Variants in DENND5B observed in about 807,000 individuals in gnomAD.
DENND5B encodes DENN domain containing 5B, also known as DENN domain-containing protein 5B.
In DENND5B, 34 loss-of-function variants were observed where a neutral mutation model predicts 140.6. The observed-to-expected ratio is 0.24, with a 90% CI of 0.18 to 0.32. The LOEUF is 0.32. DENND5B is among the 10% of genes least tolerant of loss of function. The probability of loss-of-function intolerance (pLI) is 1.00; values close to 1 mark genes in which losing one functional copy is unlikely to be tolerated. For missense variants in DENND5B, 1,142 were observed against 1,560.2 expected, an observed-to-expected ratio of 0.73 and a Z score of 4.52; for synonymous variants, 551 against 562.1, an observed-to-expected ratio of 0.98 and a Z score of 0.28.
intron 2 of DENND5B, among the ~76,000 whole-genome samples, chr12:31,483,475 C>G (rs942681867): frequency 9.3e-5 from 14 of 150,830 alleles, no homozygotes; most frequent in Admixed American, 8.6e-4. Flanking sequence ...GAGTCTTGCT[C>G]TGTCACCCAG....
intron 5 of DENND5B, among the ~76,000 whole-genome samples, chr12:31,448,716 GGCACTGCCTGGAA>G (rs776420456): frequency 2.8e-4 from 43 of 152,222 alleles, no homozygotes; most frequent in Non-Finnish European, 1.8e-4. Context: ...AACTAAAAAA[GGCACTGCCTGGAA>G]GCTGGGCATG....
chr12:31,583,540 T>C (rs1392448078), intron 1 of DENND5B, among the ~76,000 whole-genome samples: 1 of 151,876 alleles, frequency 6.6e-6, no homozygotes, highest in African/African-American at 2.4e-5. Flanking sequence ...TAGCCAGGCA[T>C]GGTGGCACGC....
In DENND5B at chr12:31,402,480, G is replaced by A. The variant is rs938472882; in HGVS notation, c.2949+18C>T. ...ACACGTGATACATTCTTCTAGGAAA[G>A]GTATTAGCTGAACCTACCTCAAAGG... On this transcript the variant is annotated intron_variant, in intron 15 of 20. Transcript: ENST00000389082. 2 of 1,604,188 alleles carry A rather than the reference G, an allele frequency of 1.2e-6. No homozygotes were observed. The highest frequency in any genetic ancestry group is 2.7e-5 in the African/African-American group (2 of 74,608).
rs1565541724 is a variant in DENND5B, at chr12:31,399,691, C to T, written c.3031G>A (p.Val1011Ile). ...GLLAKWLVDCVMVRNEITGHT... is the reference protein window; with the variant it reads ...GLLAKWLVDCIMVRNEITGHT... ...CCTGTGATTTCATTTCTGACCATGA[C>T]ACAATCCACTAGCCATTTGGCTAAC... The change falls in exon 16 of 21, where the codon GTC becomes ATC. Residue 1011 changes from valine (V) to isoleucine (I), a missense_variant. Val to Ile is a conservative substitution (Grantham distance 29). Coordinates refer to ENST00000389082, the MANE Select transcript of DENND5B (RefSeq NM_144973.4). 10 of 1,613,940 alleles carry T rather than the reference C, an allele frequency of 6.2e-6. No homozygotes were observed. The highest frequency in any genetic ancestry group is 7.6e-6 in the Non-Finnish European group (9 of 1,179,890).
At chr12:31,497,202 G>A (rs1011867689) in intron 1 of DENND5B, among the ~76,000 whole-genome samples, 3 of 151,816 alleles carry the variant, frequency 2.0e-5, no homozygotes, top group Non-Finnish European at 4.4e-5. Flanking sequence ...AAAATACATA[G>A]GAATTTTTTT....
At chr12:31,554,925 T>C (rs564036275) in intron 1 of DENND5B, among the ~76,000 whole-genome samples, 2 of 152,376 alleles carry the variant, frequency 1.3e-5, no homozygotes, top group East Asian at 3.9e-4. Flanking sequence ...CTTTAAGGAC[T>C]TCTCTGCATT....
chr12:31,403,131 C>G (rs1941899231), intron 14 of DENND5B, among the ~76,000 whole-genome samples: 1 of 152,180 alleles, frequency 6.6e-6, no homozygotes, highest in South Asian at 2.1e-4. Flanking sequence ...CACTGCATTT[C>G]AGAACTTTCC....
At chr12:31,452,541 G>A in intron 4 of DENND5B, 65 bp from the exon 5 acceptor site, 4 of 1,468,424 alleles carry the variant, frequency 2.7e-6, no homozygotes, top group Non-Finnish European at 3.6e-6. Flanking sequence ...ACATATTCTT[G>A]CCAGCCAGCC....
chr12:31,417,485 A>G lies in DENND5B; in HGVS notation c.2471-2037T>C, dbSNP rs541693088. 7.9e-5 allele frequency among the ~76,000 whole-genome samples: 12 copies of G among 152,002 alleles called. No individual in the cohort carries two copies. The South Asian group carries it at 1.0e-3, about 13-fold the overall frequency. On this transcript the variant is annotated intron_variant, in intron 11 of 20. Transcript: ENST00000389082. Reference sequence around the variant, plus strand: ...AAAGTGAGTAATCTAAATAGACACTAAGTATAATGTCCATGAGTATTCTCT... The same window carrying G: ...AAAGTGAGTAATCTAAATAGACACTGAGTATAATGTCCATGAGTATTCTCT...
intron 7 of DENND5B, among the ~76,000 whole-genome samples, chr12:31,436,168 G>C (rs1943746539): frequency 6.8e-6 from 1 of 146,010 alleles, no homozygotes; most frequent in Admixed American, 6.8e-5. Context: ...GCAGTGGCGT[G>C]ATCTCACTGC....
In DENND5B at chr12:31,528,751, T is replaced by C. The variant is rs148002694; in HGVS notation, c.128-32832A>G. ...CATACTGATTTTGAGATGCCAATTC[T>C]AACTGGAGATGTTAAGACAGCAGTC... On this transcript the variant is annotated intron_variant, in intron 1 of 20. Transcript: ENST00000389082. Among the ~76,000 whole-genome samples the C allele has an allele frequency of 2.3e-3, 348 of 152,330 alleles. 3 individuals carry two copies. The highest frequency in any genetic ancestry group is 7.9e-3 in the African/African-American group (330 of 41,572).
At chr12:31,561,371 T>G (rs754655102) in intron 1 of DENND5B, among the ~76,000 whole-genome samples, 1 of 152,130 alleles carries the variant, frequency 6.6e-6, no homozygotes, top group Non-Finnish European at 1.5e-5. Context: ...CACCTATAAT[T>G]CCAGCTACTT....
Position 31,566,347 on chromosome 12 carries a change from TG to T in DENND5B, c.127+24358del, listed in dbSNP as rs1397557961. 7.3e-3 allele frequency among the ~76,000 whole-genome samples: 405 copies of T among 55,236 alleles called. 1 individual carries two copies. Among genetic ancestry groups the T allele is most frequent in the African/African-American group, 0.02 (380 of 19,080 alleles). 36.2% of individuals were successfully genotyped at this position (55,236 alleles called of 152,430 possible). On this transcript the variant is annotated intron_variant, in intron 1 of 20. Transcript: ENST00000389082. The stretch of plus-strand genomic sequence containing the variant: ...ACCTCTCTCTTAAAAACTGTGTGTG[TG>T]TGTGTGTGTGTGTGTGTGTGTGTAA...
intron 8 of DENND5B, among the ~76,000 whole-genome samples, chr12:31,428,355 AT>A (rs977942015): frequency 1.3e-5 from 2 of 150,942 alleles, no homozygotes; most frequent in African/African-American, 4.9e-5. Flanking sequence ...AAAAAAAAAA[AT>A]GTTTGCAGCA....
chr12:31,423,837 A>G (rs1347332865), intron 10 of DENND5B, among the ~76,000 whole-genome samples, 162 bp from the exon 11 acceptor site: 2 of 152,220 alleles, frequency 1.3e-5, no homozygotes, highest in African/African-American at 4.8e-5. Flanking sequence ...CATGTATCAT[A>G]AAGGTCATCC....
intron 1 of DENND5B, among the ~76,000 whole-genome samples, chr12:31,585,283 C>A (rs1950359456): frequency 6.6e-6 from 1 of 152,188 alleles, no homozygotes; most frequent in African/African-American, 2.4e-5. Context: ...CCTTCCCCAG[C>A]CCCTGAGCTA....
intron 4 of DENND5B, among the ~76,000 whole-genome samples, chr12:31,454,980 G>C (rs914878024): frequency 6.6e-6 from 1 of 151,588 alleles, no homozygotes; most frequent in Admixed American, 6.6e-5. Context: ...CACCACGCCC[G>C]GCTAATTTTT....
chr12:31,479,370 T>G (rs376326869), intron 3 of DENND5B, among the ~76,000 whole-genome samples: 35 of 152,222 alleles, frequency 2.3e-4, no homozygotes, highest in African/African-American at 8.0e-4. Context: ...AAGTTAACAC[T>G]TGTGTTCCTT....
intron 3 of DENND5B, among the ~76,000 whole-genome samples, 161 bp downstream of exon 3, chr12:31,479,428 A>C (rs1288458339): frequency 6.6e-6 from 1 of 152,232 alleles, no homozygotes; most frequent in African/African-American, 2.4e-5. Flanking sequence ...GAGAAACAGC[A>C]GTCTCATCTC....
Sources: gnomAD v4.1 joint callset for allele counts (sites outside exome capture counted in the v4.1 genomes callset) on GRCh38, gnomAD v4.1.1 for gene constraint, MANE v1.5 for transcripts, NCBI Gene and HGNC (gene_info 2026-07-23, HGNC 2026-07-21) for gene names.